Variants in HSF2BP observed in about 807,000 individuals in gnomAD.
HSF2BP encodes heat shock factor 2-binding protein.
HSF2BP carries 35 observed loss-of-function variants against 35.0 expected under a neutral mutation model. That is an observed-to-expected ratio of 1.00 (90% CI 0.76 to 1.32). The LOEUF (loss-of-function observed/expected upper bound fraction) is 1.32. Among genes scored for constraint, HSF2BP ranks in the 40% most tolerant of loss-of-function variants. The pLI, the probability that HSF2BP is intolerant of heterozygous loss-of-function variation, is 0.00. For missense variants in HSF2BP, 326 were observed against 321.7 expected, an observed-to-expected ratio of 1.01 and a Z score of -0.10; for synonymous variants, 114 against 117.4, an observed-to-expected ratio of 0.97 and a Z score of 0.18.
chr21:43,652,418 A>AC (rs1449548908), intron 3 of HSF2BP, among the ~76,000 whole-genome samples: 2 of 151,778 alleles, frequency 1.3e-5, no homozygotes, highest in African/African-American at 4.8e-5. Flanking sequence ...AAAAAAAAAA[A>AC]AACAACTGGA....
intron 3 of HSF2BP, among the ~76,000 whole-genome samples, chr21:43,653,027 C>T (rs1260552590): frequency 6.6e-6 from 1 of 151,896 alleles, no homozygotes; most frequent in Admixed American, 6.6e-5. Flanking sequence ...CCCAGCTACT[C>T]GGGAGACTGA....
intron 8 of HSF2BP, among the ~76,000 whole-genome samples, chr21:43,581,176 GGA>G (rs1428340635): frequency 6.6e-6 from 1 of 152,194 alleles, no homozygotes; most frequent in Non-Finnish European, 1.5e-5. Flanking sequence ...CACGAGGTCA[GGA>G]GATCGAGACC....
At chr21:43,612,508 G>A (rs866569652) in intron 7 of HSF2BP, among the ~76,000 whole-genome samples, 69 of 152,218 alleles carry the variant, frequency 4.5e-4, no homozygotes, top group African/African-American at 1.6e-3. Context: ...AAAATTAGCT[G>A]GGCGTGGTGG....
chr21:43,630,192 G>A (rs1490902268), intron 6 of HSF2BP, 130 bp downstream of exon 6: 1 of 685,304 alleles, frequency 1.5e-6, no homozygotes. Flanking sequence ...ACAGTATAGT[G>A]TAAACATAAT....
At chr21:43,587,451 A>T (rs1015736477) in intron 8 of HSF2BP, among the ~76,000 whole-genome samples, 4 of 152,038 alleles carry the variant, frequency 2.6e-5, no homozygotes, top group Non-Finnish European at 5.9e-5. Flanking sequence ...AGATCACCTG[A>T]GGGCGGGAGT....
intron 7 of HSF2BP, among the ~76,000 whole-genome samples, chr21:43,611,795 C>T (rs932537309): frequency 2.0e-5 from 3 of 152,220 alleles, no homozygotes; most frequent in African/African-American, 4.8e-5. Context: ...GAGTTGCAGG[C>T]ACTTGGACAC....
intron 5 of HSF2BP, among the ~76,000 whole-genome samples, chr21:43,630,852 A>G (rs1319791022): frequency 6.6e-6 from 1 of 152,208 alleles, no homozygotes; most frequent in Non-Finnish European, 1.5e-5. Flanking sequence ...AACATGTAAA[A>G]GAGGTAAAGA....
At chr21:43,578,091 G>T (rs1377995196) in intron 8 of HSF2BP, among the ~76,000 whole-genome samples, 1 of 152,144 alleles carries the variant, frequency 6.6e-6, no homozygotes, top group Non-Finnish European at 1.5e-5. Context: ...CCTGTTTGGT[G>T]GACTCTCTTC....
At chr21:43,633,474 T>A (rs545579160) in intron 4 of HSF2BP, 53 bp from the exon 5 acceptor site, 1 of 1,378,982 alleles carries the variant, frequency 7.3e-7, no homozygotes, top group East Asian at 2.5e-5. Flanking sequence ...CCTTGATATA[T>A]CTTTATTACA....
Position 43,599,105 on chromosome 21 carries a change from G to A in HSF2BP, c.693-6777C>T, listed in dbSNP as rs751316851. On this transcript the variant is annotated intron_variant, in intron 7 of 8. Coordinates refer to ENST00000291560, the MANE Select transcript of HSF2BP (RefSeq NM_007031.2). ...TAACTGTAATACAGGGAAACCTTCT[G>A]AAAAGATGGCCAGTTGAAATTCTTT... Among the ~76,000 whole-genome samples, 4 of 152,204 alleles carry A rather than the reference G, an allele frequency of 2.6e-5. 1 individual carries two copies. Among genetic ancestry groups the A allele is most frequent in the African/African-American group, 7.2e-5 (3 of 41,448 alleles).
intron 8 of HSF2BP, among the ~76,000 whole-genome samples, chr21:43,587,458 G>A (rs561522860): frequency 6.6e-6 from 1 of 152,020 alleles, no homozygotes; most frequent in Non-Finnish European, 1.5e-5. Context: ...CTGAGGGCGG[G>A]AGTTCGAGAC....
chr21:43,577,081 G>A (rs922188162), intron 8 of HSF2BP, among the ~76,000 whole-genome samples: 3 of 152,186 alleles, frequency 2.0e-5, no homozygotes, highest in African/African-American at 7.2e-5. Context: ...CAAACCCACA[G>A]CTGACATGCA....
chr21:43,625,849 T>C (rs577866798), intron 6 of HSF2BP, among the ~76,000 whole-genome samples: 1 of 152,330 alleles, frequency 6.6e-6, no homozygotes, highest in East Asian at 1.9e-4. Flanking sequence ...CGCGCTGAGC[T>C]TGAATGCTGG....
intron 7 of HSF2BP, among the ~76,000 whole-genome samples, chr21:43,607,478 C>T (rs1313120146): frequency 6.6e-6 from 1 of 152,142 alleles, no homozygotes; most frequent in Non-Finnish European, 1.5e-5. Flanking sequence ...CATTCATGTT[C>T]ATGGACTGGA....
chr21:43,633,207 C>A, intron 5 of HSF2BP, 65 bp downstream of exon 5: 1 of 1,520,712 alleles, frequency 6.6e-7, no homozygotes, highest in East Asian at 2.3e-5. Context: ...CCTTAATAAG[C>A]TATATGCTCT....
chr21:43,588,390 A>C lies in HSF2BP; in HGVS notation c.796+3835T>G, dbSNP rs984344527. Among the ~76,000 whole-genome samples the C allele has an allele frequency of 3.3e-5, 5 of 152,142 alleles. 1 individual carries two copies. The East Asian group carries it at 9.7e-4, about 29-fold the overall frequency. On this transcript the variant is annotated intron_variant, in intron 8 of 8. Transcript: ENST00000291560. Reference sequence around the variant, plus strand: ...TGAAACTCCATCTCAAAAATAAATAAATAAATAAATAAGAAGTCATCCAGC... The same window carrying C: ...TGAAACTCCATCTCAAAAATAAATACATAAATAAATAAGAAGTCATCCAGC...
At chr21:43,624,222 G>A (rs1440434535) in intron 6 of HSF2BP, among the ~76,000 whole-genome samples, 1 of 152,154 alleles carries the variant, frequency 6.6e-6, no homozygotes, top group Non-Finnish European at 1.5e-5. Context: ...GTCAAAAGGT[G>A]GAAACAACCC....
At chr21:43,576,146 C>T (rs2081641584) in intron 8 of HSF2BP, among the ~76,000 whole-genome samples, 1 of 148,526 alleles carries the variant, frequency 6.7e-6, no homozygotes, top group Non-Finnish European at 1.5e-5. Context: ...AAGTCATTTC[C>T]AAATTCTCAT....
chr21:43,617,115 G>T (rs2146938914), intron 6 of HSF2BP, among the ~76,000 whole-genome samples: 1 of 152,146 alleles, frequency 6.6e-6, no homozygotes, highest in South Asian at 2.1e-4. Flanking sequence ...AACTGTCCCT[G>T]CCAAGCCTGA....
Sources: gnomAD v4.1 joint callset for allele counts (sites outside exome capture counted in the v4.1 genomes callset) on GRCh38, gnomAD v4.1.1 for gene constraint, MANE v1.5 for transcripts, NCBI Gene and HGNC (gene_info 2026-07-23, HGNC 2026-07-21) for gene names.